Variants in HELZ observed in about 807,000 individuals in gnomAD.
HELZ encodes ATP-dependent RNA helicase with zinc finger domain.
HELZ carries 23 observed loss-of-function variants against 218.2 expected under a neutral mutation model. The observed-to-expected ratio is 0.11, with a 90% CI of 0.08 to 0.15. The LOEUF (loss-of-function observed/expected upper bound fraction) is 0.15, where lower values mean the gene tolerates loss of function less well. Among genes scored for constraint, HELZ ranks in the 10% least tolerant of loss-of-function variants. The pLI, the probability that HELZ is intolerant of heterozygous loss-of-function variation, is 1.00. For synonymous variants in HELZ, 814 were observed against 829.4 expected, an observed-to-expected ratio of 0.98 and a Z score of 0.32; for missense variants, 1,813 against 2,353.7, an observed-to-expected ratio of 0.77 and a Z score of 4.75.
At chr17:67,105,579 T>C (rs1162582019) in intron 31 of HELZ, among the ~76,000 whole-genome samples, 2 of 152,230 alleles carry the variant, frequency 1.3e-5, no homozygotes, top group Non-Finnish European at 2.9e-5. Flanking sequence ...CACCAAATTG[T>C]ACAATTTAAA....
intron 13 of HELZ, among the ~76,000 whole-genome samples, chr17:67,174,818 A>G (rs2039409367): frequency 6.6e-6 from 1 of 152,168 alleles, no homozygotes; most frequent in African/African-American, 2.4e-5. Flanking sequence ...AAAGAAAAAA[A>G]GAAATATTCT....
At chr17:67,169,029 T>C (rs948690989) in intron 13 of HELZ, among the ~76,000 whole-genome samples, 1 of 151,692 alleles carries the variant, frequency 6.6e-6, no homozygotes. Context: ...GAGGTGGAGG[T>C]TGCAGTAAGC....
intron 3 of HELZ, among the ~76,000 whole-genome samples, chr17:67,232,637 G>T (rs950018081): frequency 7.2e-5 from 11 of 152,052 alleles, no homozygotes; most frequent in African/African-American, 2.7e-4. Flanking sequence ...TAAACTTTTT[G>T]ACTCTTCTTA....
chr17:67,162,904 G>A (rs1254986756), intron 15 of HELZ, among the ~76,000 whole-genome samples: 1 of 152,138 alleles, frequency 6.6e-6, no homozygotes, highest in East Asian at 1.9e-4. Flanking sequence ...TGAGGTGTCT[G>A]TCCATGATGG....
At chr17:67,134,133 T>C (rs1042747038) in intron 23 of HELZ, among the ~76,000 whole-genome samples, 2 of 152,166 alleles carry the variant, frequency 1.3e-5, no homozygotes, top group Admixed American at 1.3e-4. Context: ...CCTGTAATCC[T>C]AGCAATTTGG....
In HELZ at chr17:67,072,346, AAAC is replaced by A. The variant is rs1279670556; in HGVS notation, c.*5903_*5905del. The A allele has an allele frequency of 2.6e-5, 4 of 152,632 alleles. No homozygotes were observed. The highest frequency in any genetic ancestry group is 5.9e-5 in the Non-Finnish European group (4 of 68,040). The allele number at this position is 152,632 out of a possible 1,614,324, so 9.5% of individuals were successfully genotyped here. Reference sequence around the variant, plus strand: ...GCGAGACTCTGCCCCGAAGAAAAAAAAACAAAACTATTATTTTATTATTTAAGG... The same window carrying A: ...GCGAGACTCTGCCCCGAAGAAAAAAAAAAACTATTATTTTATTATTTAAGG... On this transcript the variant is annotated 3_prime_UTR_variant, in exon 33 of 33. Transcript: ENST00000358691.
At chr17:67,176,101 T>C (rs1311193192) in intron 13 of HELZ, among the ~76,000 whole-genome samples, 1 of 152,182 alleles carries the variant, frequency 6.6e-6, no homozygotes, top group African/African-American at 2.4e-5. Flanking sequence ...AGGAGGAATA[T>C]ATGGTCATTA....
At chr17:67,230,279 T>C (rs1216666869) in intron 3 of HELZ, among the ~76,000 whole-genome samples, 4 of 152,014 alleles carry the variant, frequency 2.6e-5, no homozygotes, top group Admixed American at 6.6e-5. Flanking sequence ...TTAAAAGATA[T>C]GAAGAAACAA....
chr17:67,161,460 T>C (rs561108992), intron 15 of HELZ, among the ~76,000 whole-genome samples: 27 of 152,322 alleles, frequency 1.8e-4, no homozygotes, highest in Admixed American at 5.9e-4. Context: ...AATTAAGTAG[T>C]AGGTTTTTTT....
intron 13 of HELZ, among the ~76,000 whole-genome samples, chr17:67,175,617 T>C (rs908928882): frequency 3.3e-5 from 5 of 152,242 alleles, no homozygotes; most frequent in African/African-American, 1.2e-4. Flanking sequence ...ATCTGTTTCT[T>C]TGTATGTGTA....
chr17:67,123,787 A>G (rs895827834), intron 25 of HELZ, among the ~76,000 whole-genome samples, 176 bp downstream of exon 25: 16 of 151,288 alleles, frequency 1.1e-4, no homozygotes, highest in African/African-American at 3.4e-4. Flanking sequence ...TAAGTGTTGA[A>G]TAAAAAAATT....
intron 27 of HELZ, among the ~76,000 whole-genome samples, chr17:67,116,951 G>A (rs1567813897): frequency 6.6e-6 from 1 of 152,168 alleles, no homozygotes; most frequent in Non-Finnish European, 1.5e-5. Context: ...CCACCTCCCA[G>A]GTTCAAGCAA....
chr17:67,182,556 C>T (rs990204363), intron 12 of HELZ, among the ~76,000 whole-genome samples: 4 of 152,124 alleles, frequency 2.6e-5, no homozygotes, highest in Admixed American at 2.6e-4. Flanking sequence ...TAATAAATCT[C>T]AAAGCAAACC....
intron 2 of HELZ, among the ~76,000 whole-genome samples, chr17:67,241,206 C>G (rs1247216332): frequency 6.6e-6 from 1 of 152,190 alleles, no homozygotes; most frequent in African/African-American, 2.4e-5. Flanking sequence ...GTATATTCAC[C>G]TAAGTTTATG....
chr17:67,116,045 A>G (rs1253001869), intron 27 of HELZ, among the ~76,000 whole-genome samples: 1 of 152,182 alleles, frequency 6.6e-6, no homozygotes, highest in Non-Finnish European at 1.5e-5. Context: ...GAGAGAAAAA[A>G]TAGCATACTT....
At chr17:67,083,840 T>C (rs2036272395) in intron 32 of HELZ, among the ~76,000 whole-genome samples, 1 of 152,198 alleles carries the variant, frequency 6.6e-6, no homozygotes, top group African/African-American at 2.4e-5. Context: ...CATTATCTCC[T>C]TTCTCCACAA....
intron 5 of HELZ, 102 bp from the exon 6 acceptor site, chr17:67,203,545 T>G: frequency 7.5e-7 from 1 of 1,338,702 alleles, no homozygotes; most frequent in Non-Finnish European, 1.0e-6. Context: ...TTTTATATGC[T>G]AAAAGAGTAA....
At chr17:67,181,027 T>G (rs925656020) in intron 12 of HELZ, among the ~76,000 whole-genome samples, 3 of 151,688 alleles carry the variant, frequency 2.0e-5, no homozygotes, top group African/African-American at 7.3e-5. Context: ...CACTCCAGCC[T>G]GGCGACAGAG....
At chr17:67,140,124 C>G (rs148847770) in intron 21 of HELZ, among the ~76,000 whole-genome samples, 1,654 of 152,344 alleles carry the variant, frequency 0.011, 19 homozygotes, top group South Asian at 0.018. Context: ...CCAACCTCCC[C>G]TGATGTGCAC....
Sources: gnomAD v4.1 joint callset for allele counts (sites outside exome capture counted in the v4.1 genomes callset) on GRCh38, gnomAD v4.1.1 for gene constraint, MANE v1.5 for transcripts, NCBI Gene and HGNC (gene_info 2026-07-23, HGNC 2026-07-21) for gene names.